Variants in PKNOX2 observed in about 807,000 individuals in gnomAD.
The protein encoded by PKNOX2 is PBX/knotted 1 homeobox 2, also known as homeobox protein PKNOX2.
PKNOX2 carries 14 observed loss-of-function variants against 53.1 expected under a neutral mutation model. That is an observed-to-expected ratio of 0.26 (90% CI 0.17 to 0.41). The LOEUF (loss-of-function observed/expected upper bound fraction) is 0.41. PKNOX2 is among the 10% of genes least tolerant of loss of function. The pLI is 1.00. For missense variants in PKNOX2, 496 were observed against 602.8 expected, an observed-to-expected ratio of 0.82 and a Z score of 1.85; for synonymous variants, 257 against 242.8, an observed-to-expected ratio of 1.06 and a Z score of -0.54.
intron 5 of PKNOX2, among the ~76,000 whole-genome samples, chr11:125,375,652 G>A (rs1952790982): frequency 6.6e-6 from 1 of 152,186 alleles, no homozygotes; most frequent in Non-Finnish European, 1.5e-5. Context: ...GTGCCACTGA[G>A]TGTGTGTGGG....
intron 9 of PKNOX2, 171 bp from the exon 10 acceptor site, chr11:125,411,575 C>T (rs1352802775): frequency 1.1e-6 from 1 of 923,484 alleles, no homozygotes; most frequent in African/African-American, 1.7e-5. Flanking sequence ...GCCTCACCTC[C>T]ACTCTCTGAG....
intron 3 of PKNOX2, among the ~76,000 whole-genome samples, chr11:125,348,189 C>T (rs1037248802): frequency 1.3e-5 from 2 of 152,182 alleles, no homozygotes; most frequent in Admixed American, 6.5e-5. Flanking sequence ...AGTCAGATCC[C>T]CAAATTCCTC....
At chr11:125,237,245 T>C (rs34573992) in intron 2 of PKNOX2, among the ~76,000 whole-genome samples, 25,256 of 152,144 alleles carry the variant, frequency 0.17, 2,201 homozygotes, top group African/African-American at 0.2. Context: ...TAAGAGACAG[T>C]AAAAGCCAAG....
intron 5 of PKNOX2, among the ~76,000 whole-genome samples, chr11:125,373,226 AG>A (rs1952648308): frequency 6.6e-6 from 1 of 152,262 alleles, no homozygotes; most frequent in African/African-American, 2.4e-5. Flanking sequence ...ACTATCAAAA[AG>A]AAAAATGATA....
chr11:125,337,297 C>T (rs185426231), intron 3 of PKNOX2, among the ~76,000 whole-genome samples: 1 of 152,294 alleles, frequency 6.6e-6, no homozygotes, highest in Non-Finnish European at 1.5e-5. Context: ...TGAGCAGCCA[C>T]TCTTTCTTGT....
At chr11:125,382,256 C>A (rs1322449083) in intron 5 of PKNOX2, among the ~76,000 whole-genome samples, 2 of 152,208 alleles carry the variant, frequency 1.3e-5, no homozygotes, top group Non-Finnish European at 2.9e-5. Context: ...ACACACAGGA[C>A]CCCACACAAC....
intron 1 of PKNOX2, among the ~76,000 whole-genome samples, chr11:125,229,725 G>T (rs1942037084): frequency 6.6e-6 from 1 of 152,180 alleles, no homozygotes; most frequent in African/African-American, 2.4e-5. Context: ...GGGAGAATTA[G>T]TAAGTCTTGG....
intron 1 of PKNOX2, among the ~76,000 whole-genome samples, chr11:125,219,810 A>G (rs571213097): frequency 1.1e-4 from 17 of 152,332 alleles, no homozygotes; most frequent in Admixed American, 6.5e-4. Flanking sequence ...CATGGTGTAA[A>G]TCTGCACAAC....
At chr11:125,323,760 C>G (rs970223752) in intron 2 of PKNOX2, among the ~76,000 whole-genome samples, 3 of 152,124 alleles carry the variant, frequency 2.0e-5, no homozygotes, top group Non-Finnish European at 2.9e-5. Context: ...GGCTCTGTAT[C>G]CATCTGACCT....
At chr11:125,417,011 T>A (rs1009630854) in intron 10 of PKNOX2, among the ~76,000 whole-genome samples, 1 of 152,046 alleles carries the variant, frequency 6.6e-6, no homozygotes, top group African/African-American at 2.4e-5. Context: ...GTTTCATACG[T>A]TAGCTGCTCG....
chr11:125,322,261 C>A lies in PKNOX2; in HGVS notation c.-129-9558C>A, dbSNP rs183281503. On this transcript the variant is annotated intron_variant, in intron 2 of 12. Transcript: ENST00000298282. ...GCATAGGAATGGGTGATCTGAGGTCCTAGGGTTTATTGTCAGAGTTTAGAG... is the reference window on the plus strand; with the variant it reads ...GCATAGGAATGGGTGATCTGAGGTCATAGGGTTTATTGTCAGAGTTTAGAG... Among the ~76,000 whole-genome samples the A allele has an allele frequency of 3.3e-5, 5 of 152,118 alleles. No individual in the cohort carries two copies. In the East Asian group the frequency reaches 9.7e-4, roughly 29 times the overall value.
At chr11:125,415,437 G>T (rs562573799) in intron 10 of PKNOX2, among the ~76,000 whole-genome samples, 2 of 151,946 alleles carry the variant, frequency 1.3e-5, no homozygotes, top group African/African-American at 2.4e-5. Context: ...TTTTAGTAGA[G>T]GTGGGGTTTT....
Position 125,351,365 on chromosome 11 carries a change from G to T in PKNOX2, c.60G>T (p.Pro20=), listed in dbSNP as rs767658428. ...CGATGATGGCCACGCAGAATGTCCC[G>T]CCCCCACCCTACCAGGACAGCCCAC... ...ALTMMATQNV[P]PPPYQDSPQM... is the part of the protein sequence containing the mutation. Residue 20 remains proline (P), a synonymous_variant, in exon 4 of 13, where the codon CCG becomes CCT. Coordinates refer to ENST00000298282, the MANE Select transcript of PKNOX2 (RefSeq NM_001382323.2). The T allele has an allele frequency of 6.2e-7, 1 of 1,605,182 alleles. No individual in the cohort carries two copies. The highest frequency in any genetic ancestry group is 8.5e-7 in the Non-Finnish European group (1 of 1,173,814).
At chr11:125,303,099 G>A (rs1948186140) in intron 2 of PKNOX2, among the ~76,000 whole-genome samples, 1 of 152,106 alleles carries the variant, frequency 6.6e-6, no homozygotes, top group Non-Finnish European at 1.5e-5. Context: ...GAGCCAGGTG[G>A]GAAAATTCCC....
At chr11:125,281,521 T>G (rs534146587) in intron 2 of PKNOX2, among the ~76,000 whole-genome samples, 1 of 152,222 alleles carries the variant, frequency 6.6e-6, no homozygotes, top group African/African-American at 2.4e-5. Flanking sequence ...TCTTTCCTTA[T>G]TTATCAAATG....
rs149295518 is a variant in PKNOX2 at position 125,362,410 on chromosome 11, A to G, written c.88-5436A>G. Reference sequence around the variant, plus strand: ...TTTTTTAGAGACAGGGTCTTGCTCTATCTCCCAGGCTGGAGCACAGTGGTA... The same window carrying G: ...TTTTTTAGAGACAGGGTCTTGCTCTGTCTCCCAGGCTGGAGCACAGTGGTA... On this transcript the variant is annotated intron_variant, in intron 4 of 12. Transcript: ENST00000298282. 3.9e-3 allele frequency among the ~76,000 whole-genome samples: 588 copies of G among 151,836 alleles called. 4 individuals are homozygous for G. Among genetic ancestry groups the G allele is most frequent in the African/African-American group, 0.013 (524 of 41,388 alleles).
chr11:125,241,638 C>T (rs898145743), intron 2 of PKNOX2, among the ~76,000 whole-genome samples: 6 of 152,168 alleles, frequency 3.9e-5, no homozygotes, highest in Admixed American at 1.3e-4. Flanking sequence ...GGGCAGATCA[C>T]GAGGTCAGGA....
intron 2 of PKNOX2, among the ~76,000 whole-genome samples, chr11:125,274,452 C>A (rs897674911): frequency 5.3e-5 from 8 of 152,212 alleles, no homozygotes; most frequent in Non-Finnish European, 1.0e-4. Flanking sequence ...AGCCCCTGTG[C>A]AGAGGTGCCC....
At chr11:125,235,992 C>T (rs1165755467) in intron 2 of PKNOX2, among the ~76,000 whole-genome samples, 1 of 152,222 alleles carries the variant, frequency 6.6e-6, no homozygotes, top group Admixed American at 6.5e-5. Context: ...TATGGGGCTA[C>T]CTGAGGCTGA....
Sources: allele counts gnomAD v4.1 joint callset (sites outside exome capture counted in the v4.1 genomes callset), GRCh38; gene constraint gnomAD v4.1.1; transcripts MANE v1.5; gene names NCBI Gene and HGNC (gene_info 2026-07-23, HGNC 2026-07-21).